The following ASAP2 variants were observed in gnomAD, a reference collection of about 807,000 sequenced individuals.
ASAP2 encodes the protein ArfGAP with SH3 domain, ankyrin repeat and PH domain 2, also known as arf-GAP with SH3 domain, ANK repeat and PH domain-containing protein 2.
ASAP2 carries 45 observed loss-of-function variants against 131.4 expected under a neutral mutation model. The observed-to-expected ratio is 0.34, with a 90% CI of 0.27 to 0.44. The LOEUF (loss-of-function observed/expected upper bound fraction) is 0.44, where lower values mean the gene tolerates loss of function less well. ASAP2 is among the 20% of genes least tolerant of loss of function. The pLI is 1.00. For missense variants in ASAP2, 1,011 were observed against 1,297.0 expected (o/e 0.78, Z 3.39); for synonymous variants, 510 against 503.0 (o/e 1.01, Z -0.19).
intron 1 of ASAP2, among the ~76,000 whole-genome samples, chr2:9,272,288 T>A (rs1666451966): frequency 6.6e-6 from 1 of 152,238 alleles, no homozygotes; most frequent in Non-Finnish European, 1.5e-5. Flanking sequence ...TAGTTTTGAT[T>A]TGCATTGCTC....
intron 6 of ASAP2, 151 bp from the exon 7 acceptor site, chr2:9,327,675 C>CTT: frequency 1.8e-6 from 1 of 561,442 alleles, no homozygotes; most frequent in South Asian, 2.3e-5. Context: ...GAAACGGTTA[C>CTT]GGAATCCAGG....
intron 1 of ASAP2, among the ~76,000 whole-genome samples, chr2:9,240,985 G>A (rs1468747195): frequency 6.6e-6 from 1 of 152,250 alleles, no homozygotes; most frequent in Non-Finnish European, 1.5e-5. Context: ...CGTCCCGCGT[G>A]GGAGGCAGGA....
intron 1 of ASAP2, among the ~76,000 whole-genome samples, chr2:9,258,679 C>T (rs1202398221): frequency 6.6e-6 from 1 of 152,230 alleles, no homozygotes; most frequent in Non-Finnish European, 1.5e-5. Flanking sequence ...CCCCCGGAAG[C>T]TGCTGACTCT....
intron 3 of ASAP2, among the ~76,000 whole-genome samples, chr2:9,303,574 C>A (rs1668633214): frequency 6.6e-6 from 1 of 152,124 alleles, no homozygotes; most frequent in African/African-American, 2.4e-5. Context: ...CCCCTAGAAA[C>A]CTCTGCCATT....
intron 24 of ASAP2, among the ~76,000 whole-genome samples, chr2:9,394,385 C>T (rs931678743): frequency 2.0e-5 from 3 of 152,146 alleles, no homozygotes; most frequent in East Asian, 3.9e-4. Flanking sequence ...AGGATGGTCT[C>T]GATCTCCTGA....
At chr2:9,374,994 C>A in intron 17 of ASAP2, 50 bp downstream of exon 17, 2 of 1,478,966 alleles carry the variant, frequency 1.4e-6, no homozygotes, top group Admixed American at 4.6e-5. Flanking sequence ...AGGCCGGCCA[C>A]GGTGGCTCAT....
At chr2:9,377,404 G>A (rs1329718578) in intron 18 of ASAP2, among the ~76,000 whole-genome samples, 1 of 152,234 alleles carries the variant, frequency 6.6e-6, no homozygotes, top group Non-Finnish European at 1.5e-5. Context: ...GCCATGGTCT[G>A]AGCCAGAGAT....
chr2:9,358,302 C>T (rs370074868), intron 14 of ASAP2, among the ~76,000 whole-genome samples: 5 of 152,284 alleles, frequency 3.3e-5, no homozygotes, highest in East Asian at 1.9e-4. Context: ...GTACATAGTA[C>T]GTTCTCTGTT....
At chr2:9,349,367 G>A (rs1672182952) in intron 11 of ASAP2, among the ~76,000 whole-genome samples, 1 of 152,150 alleles carries the variant, frequency 6.6e-6, no homozygotes, top group South Asian at 2.1e-4. Flanking sequence ...ACGTATGGGT[G>A]GGTGTACACC....
chr2:9,214,071 G>C (rs1661801913), intron 1 of ASAP2, among the ~76,000 whole-genome samples: 1 of 152,040 alleles, frequency 6.6e-6, no homozygotes, highest in South Asian at 2.1e-4. Flanking sequence ...CAGATGCCTG[G>C]GATGCTATCC....
At chr2:9,332,646 C>G in intron 7 of ASAP2, among the ~76,000 whole-genome samples, 1 of 152,160 alleles carries the variant, frequency 6.6e-6, no homozygotes, top group East Asian at 1.9e-4. Flanking sequence ...ATTGCCAGGT[C>G]GCAAAGATTC....
intron 19 of ASAP2, 46 bp from the exon 20 acceptor site, chr2:9,380,695 G>T (rs1056912627): frequency 1.5e-5 from 23 of 1,580,558 alleles, no homozygotes; most frequent in Non-Finnish European, 2.0e-5. Context: ...TCAGGCCTTT[G>T]CTGGGTTTTG....
intron 6 of ASAP2, 84 bp downstream of exon 6, chr2:9,323,334 C>A: frequency 6.5e-7 from 1 of 1,548,632 alleles, no homozygotes; most frequent in South Asian, 1.2e-5. Context: ...CCGGTACCAG[C>A]GGCTTCAGAG....
In ASAP2 at chr2:9,207,010, G is replaced by T; in HGVS notation, c.-95G>T. The T allele has an allele frequency of 1.9e-6, 2 of 1,078,804 alleles. No individual in the cohort carries two copies. 66.8% of individuals were successfully genotyped at this position (1,078,804 alleles called of 1,614,324 possible). A position where few individuals can be genotyped will look rare whatever the true frequency, so the allele number is the denominator to read the frequency against. ...TTGTCCGCGGGCCGGAGCGGCGGCG[G>T]CAGCGGCGGTGTCCGAGCGGCGGTC... On this transcript the variant is annotated 5_prime_UTR_variant, in exon 1 of 28. Transcript: ENST00000281419. The surrounding 1 kb of genome is among the most constrained non-coding windows in gnomAD (Gnocchi z 4.1).
At chr2:9,323,034 C>T in intron 5 of ASAP2, 87 bp from the exon 6 acceptor site, 1 of 1,538,836 alleles carries the variant, frequency 6.5e-7, no homozygotes, top group Non-Finnish European at 8.9e-7. Context: ...TTGGTCTCGC[C>T]AGGCTGGGTA....
rs561199632 is a variant in ASAP2 at position 9,377,733 on chromosome 2, G to C, written c.1832+740G>C. Among the ~76,000 whole-genome samples the C allele has an allele frequency of 9.2e-5, 14 of 152,296 alleles. No individual in the cohort carries two copies. The South Asian group carries it at 2.9e-3, about 32-fold the overall frequency. On this transcript the variant is annotated intron_variant, in intron 18 of 27. Coordinates refer to ENST00000281419, the MANE Select transcript of ASAP2 (RefSeq NM_003887.3). ...AAAATTCCAAAATGCAAAAGCCATGGGATAGTTTGCATTTTGTGTCCTCTG... is the reference window on the plus strand; with the variant it reads ...AAAATTCCAAAATGCAAAAGCCATGCGATAGTTTGCATTTTGTGTCCTCTG...
At chr2:9,216,282 ATTTTT>A (rs113751391) in intron 1 of ASAP2, among the ~76,000 whole-genome samples, 1 of 123,722 alleles carries the variant, frequency 8.1e-6, no homozygotes, top group Non-Finnish European at 1.7e-5. Flanking sequence ...GTCAGTTCAT[ATTTTT>A]TTTTTTTTTT....
At chr2:9,209,489 C>T (rs576623743) in intron 1 of ASAP2, among the ~76,000 whole-genome samples, 8 of 152,324 alleles carry the variant, frequency 5.3e-5, no homozygotes, top group African/African-American at 1.9e-4. Flanking sequence ...TAAAGTTACT[C>T]ATTTAACAAA....
intron 1 of ASAP2, among the ~76,000 whole-genome samples, chr2:9,248,977 G>A (rs1326030455): frequency 2.0e-5 from 3 of 152,190 alleles, no homozygotes; most frequent in Non-Finnish European, 4.4e-5. Context: ...TTTAACTTGC[G>A]TAAATTCCTC....
Sources: allele counts gnomAD v4.1 joint callset (sites outside exome capture counted in the v4.1 genomes callset), GRCh38; gene constraint gnomAD v4.1.1; non-coding constraint Gnocchi (gnomAD v3.1); transcripts MANE v1.5; gene names NCBI Gene and HGNC (gene_info 2026-07-23, HGNC 2026-07-21).